KCTD8: variants seen among roughly 807,000 people sequenced by gnomAD.
KCTD8 encodes the protein potassium channel tetramerization domain containing 8.
Under a neutral mutation model 31.5 loss-of-function variants are expected in KCTD8, and 27 were observed. The ratio of observed to expected loss-of-function variants is 0.86; its 90% confidence interval spans 0.63 to 1.18. The LOEUF (loss-of-function observed/expected upper bound fraction) is 1.18, where lower values mean the gene tolerates loss of function less well. Among genes scored for constraint, KCTD8 ranks in the 50% most tolerant of loss-of-function variants. The pLI, the probability that KCTD8 is intolerant of heterozygous loss-of-function variation, is 0.00. For missense variants in KCTD8, 658 were observed against 647.7 expected, an observed-to-expected ratio of 1.02 and a Z score of -0.17; for synonymous variants, 290 against 280.0, an observed-to-expected ratio of 1.04 and a Z score of -0.36.
Position 44,447,969 on chromosome 4 carries a change from G to C in KCTD8, c.555C>G (p.Ala185=). Residue 185 remains alanine, a synonymous_variant, in exon 1 of 2, where the codon GCC becomes GCG. Transcript: ENST00000360029. ...DALLLRGAAA[A]VPSGPGAHGG... ...CGTGCGCTCCCGGGCCCGAGGGCAC[G>C]GCGGCCGCCGCCCCGCGCAGCAGCA... 2.0e-6 allele frequency: 3 copies of C among 1,529,514 alleles called. No homozygotes were observed. Among genetic ancestry groups the C allele is most frequent in the South Asian group, 1.2e-5 (1 of 81,506 alleles). 94.7% of individuals were successfully genotyped at this position (1,529,514 alleles called of 1,614,324 possible).
chr4:44,292,294 T>C (rs367651169), intron 1 of KCTD8, among the ~76,000 whole-genome samples: 1 of 152,034 alleles, frequency 6.6e-6, no homozygotes, highest in Non-Finnish European at 1.5e-5. Flanking sequence ...TATGCAACCA[T>C]AAAAAGAATA....
At chr4:44,340,619 C>T (rs1278364610) in intron 1 of KCTD8, among the ~76,000 whole-genome samples, 1 of 151,872 alleles carries the variant, frequency 6.6e-6, no homozygotes, top group African/African-American at 2.4e-5. Flanking sequence ...GACATATGTA[C>T]ATTTTAAAGA....
chr4:44,176,844 A>G (rs996741342), intron 1 of KCTD8, among the ~76,000 whole-genome samples: 1 of 111,934 alleles, frequency 8.9e-6, no homozygotes, highest in East Asian at 3.2e-4. Context: ...AAAGAAACAT[A>G]AAGTATATAT....
intron 1 of KCTD8, among the ~76,000 whole-genome samples, chr4:44,197,890 C>A (rs979365897): frequency 1.2e-4 from 19 of 152,076 alleles, no homozygotes; most frequent in Admixed American, 6.6e-5. Flanking sequence ...GGAGGTGAAA[C>A]CCAATCCAAG....
intron 1 of KCTD8, among the ~76,000 whole-genome samples, chr4:44,182,102 G>A (rs900795521): frequency 5.9e-5 from 9 of 151,706 alleles, no homozygotes; most frequent in African/African-American, 1.7e-4. Context: ...CCCGACAGCC[G>A]CCCCGTCCGG....
chr4:44,411,985 C>T (rs1720971325), intron 1 of KCTD8, among the ~76,000 whole-genome samples: 1 of 152,146 alleles, frequency 6.6e-6, no homozygotes, highest in Non-Finnish European at 1.5e-5. Context: ...TACTTTGTTA[C>T]AGGAGCCCTA....
At chr4:44,443,545 C>T (rs1486893186) in intron 1 of KCTD8, among the ~76,000 whole-genome samples, 4 of 152,062 alleles carry the variant, frequency 2.6e-5, no homozygotes, top group African/African-American at 9.7e-5. Context: ...ATTTCCCAGC[C>T]CAGTTCAGTA....
intron 1 of KCTD8, among the ~76,000 whole-genome samples, chr4:44,385,884 G>A (rs969600688): frequency 6.6e-6 from 1 of 151,466 alleles, no homozygotes; most frequent in Non-Finnish European, 1.5e-5. Context: ...ATTAAACAAT[G>A]TGCACAGTAC....
chr4:44,329,378 A>T, intron 1 of KCTD8, among the ~76,000 whole-genome samples: 1 of 150,720 alleles, frequency 6.6e-6, no homozygotes, highest in Admixed American at 6.6e-5. Context: ...TATTGAGTGA[A>T]TTTTTGAGGA....
chr4:44,309,468 A>G (rs780408472), intron 1 of KCTD8, among the ~76,000 whole-genome samples: 3 of 152,220 alleles, frequency 2.0e-5, no homozygotes, highest in African/African-American at 4.8e-5. Context: ...TTTGGAAGAT[A>G]TATCTTTTAC....
chr4:44,270,132 G>A (rs1457131431), intron 1 of KCTD8, among the ~76,000 whole-genome samples: 5 of 151,966 alleles, frequency 3.3e-5, no homozygotes, highest in African/African-American at 1.2e-4. Context: ...CAAAGTCTTG[G>A]AACCAACCCA....
In KCTD8 at chr4:44,284,438, G is replaced by T. The variant is rs369869125; in HGVS notation, c.962-109188C>A. The stretch of plus-strand genomic sequence containing the variant: ...AACCACATGCAGAAAACTGAAACTG[G>T]ACCCCTTTCTTACACCTTATACAAA... On this transcript the variant is annotated intron_variant, in intron 1 of 1. Transcript: ENST00000360029. 2.5e-4 allele frequency among the ~76,000 whole-genome samples: 38 copies of T among 152,194 alleles called. 1 individual carries two copies. The South Asian group carries it at 7.9e-3, about 32-fold the overall frequency.
At chr4:44,178,624 T>A (rs1340694145) in intron 1 of KCTD8, among the ~76,000 whole-genome samples, 1 of 151,000 alleles carries the variant, frequency 6.6e-6, no homozygotes, top group African/African-American at 2.5e-5. Context: ...AAATAAGTGA[T>A]GAAAAAAATA....
At chr4:44,266,602 T>C (rs1182406309) in intron 1 of KCTD8, among the ~76,000 whole-genome samples, 1 of 150,732 alleles carries the variant, frequency 6.6e-6, no homozygotes, top group Non-Finnish European at 1.5e-5. Flanking sequence ...GACTGGCAAA[T>C]TGGATAAAGA....
chr4:44,179,157 T>C (rs1252974966), intron 1 of KCTD8, among the ~76,000 whole-genome samples: 12 of 152,150 alleles, frequency 7.9e-5, no homozygotes. Context: ...TAGCTTTTTT[T>C]TTTCTTTCAC....
In KCTD8 at chr4:44,371,473, G is replaced by A. The variant is rs374455604; in HGVS notation, c.961+76090C>T. Among the ~76,000 whole-genome samples the A allele has an allele frequency of 3.9e-5, 6 of 152,286 alleles. No homozygotes were observed. The East Asian group carries it at 1.2e-3, about 29-fold the overall frequency. ...GGTAGAGCACACTGCTTGGCACAGAGTAATGTCCAATAAGTGGTAGACGGA... is the reference window on the plus strand; with the variant it reads ...GGTAGAGCACACTGCTTGGCACAGAATAATGTCCAATAAGTGGTAGACGGA... On this transcript the variant is annotated intron_variant, in intron 1 of 1. Transcript: ENST00000360029.
chr4:44,419,269 G>A (rs1418399013), intron 1 of KCTD8, among the ~76,000 whole-genome samples: 1 of 152,138 alleles, frequency 6.6e-6, no homozygotes, highest in Non-Finnish European at 1.5e-5. Flanking sequence ...TATGTGAAAA[G>A]AAACAGAGGA....
intron 1 of KCTD8, among the ~76,000 whole-genome samples, chr4:44,213,771 G>T (rs946429330): frequency 2.6e-5 from 4 of 152,024 alleles, no homozygotes; most frequent in Non-Finnish European, 5.9e-5. Flanking sequence ...CCATATATTT[G>T]GGCTCAGGAC....
chr4:44,254,465 G>A (rs1335476993), intron 1 of KCTD8, among the ~76,000 whole-genome samples: 2 of 151,902 alleles, frequency 1.3e-5, no homozygotes, highest in East Asian at 3.9e-4. Context: ...AACTACAAGT[G>A]CAAAGCGTAG....
Sources: gnomAD v4.1 joint callset for allele counts (sites outside exome capture counted in the v4.1 genomes callset) on GRCh38, gnomAD v4.1.1 for gene constraint, MANE v1.5 for transcripts, NCBI Gene and HGNC (gene_info 2026-07-23, HGNC 2026-07-21) for gene names.